GKAP1: variants seen among roughly 807,000 people sequenced by gnomAD.
GKAP1 encodes G kinase anchoring protein 1.
In GKAP1, 31 loss-of-function variants were observed where a neutral mutation model predicts 56.7. The ratio of observed to expected loss-of-function variants is 0.55; its 90% CI spans 0.41 to 0.74. GKAP1 has a LOEUF of 0.74. Among genes scored for constraint, GKAP1 ranks in the 30% least tolerant of loss-of-function variants. The pLI is 0.00. For missense variants in GKAP1, 364 were observed against 402.3 expected, an observed-to-expected ratio of 0.90 and a Z score of 0.82; for synonymous variants, 151 against 138.6, an observed-to-expected ratio of 1.09 and a Z score of -0.63.
At chr9:83,811,368 G>A (rs111512971) in intron 2 of GKAP1, among the ~76,000 whole-genome samples, 3 of 152,056 alleles carry the variant, frequency 2.0e-5, no homozygotes, top group South Asian at 2.1e-4. Flanking sequence ...AACATACTAC[G>A]GAAGGAAAAT....
In GKAP1 at chr9:83,788,590, T is replaced by C; in HGVS notation, c.438+11A>G. ...CTTCTAAAATATCTAAATCAGTAAG[T>C]ATGTAAATACCTTTTTGTGCTCTTC... On this transcript the variant is annotated intron_variant, in intron 5 of 12. Transcript: ENST00000376371. 1 of 1,430,594 alleles carries C rather than the reference T, an allele frequency of 7.0e-7. No individual in the cohort carries two copies. Among genetic ancestry groups the C allele is most frequent in the Non-Finnish European group, 9.7e-7 (1 of 1,028,056 alleles). The allele number at this position is 1,430,594 out of a possible 1,614,324, so 88.6% of individuals were successfully genotyped here.
At chr9:83,742,791 T>TG (rs1943230567) in intron 10 of GKAP1, among the ~76,000 whole-genome samples, 191 bp from the exon 11 acceptor site, 1 of 152,244 alleles carries the variant, frequency 6.6e-6, no homozygotes. Flanking sequence ...TTGTTTTACA[T>TG]TTTCACCAGT....
At chr9:83,758,744 C>T (rs1178992142) in intron 8 of GKAP1, among the ~76,000 whole-genome samples, 1 of 121,346 alleles carries the variant, frequency 8.2e-6, no homozygotes. Flanking sequence ...ACTCCATCTC[C>T]AAAAAAAAAA....
At chr9:83,766,002 T>C (rs1418578419) in intron 8 of GKAP1, among the ~76,000 whole-genome samples, 1 of 152,154 alleles carries the variant, frequency 6.6e-6, no homozygotes, top group Non-Finnish European at 1.5e-5. Context: ...CGGGGCAGAA[T>C]GATATAGTTG....
intron 2 of GKAP1, among the ~76,000 whole-genome samples, chr9:83,812,495 G>A (rs959772716): frequency 4.0e-5 from 6 of 150,838 alleles, no homozygotes; most frequent in South Asian, 2.1e-4. Flanking sequence ...CTACAGGCAC[G>A]TGACACCATG....
intron 2 of GKAP1, among the ~76,000 whole-genome samples, chr9:83,810,768 G>C (rs1465457931): frequency 6.6e-6 from 1 of 152,232 alleles, no homozygotes; most frequent in Non-Finnish European, 1.5e-5. Flanking sequence ...TAGAACAGTA[G>C]CCAGAAGCAT....
chr9:83,809,552 T>G (rs181993394), intron 2 of GKAP1, among the ~76,000 whole-genome samples: 3 of 152,342 alleles, frequency 2.0e-5, no homozygotes, highest in East Asian at 1.9e-4. Context: ...AGGCACACAG[T>G]AGAATAAGCA....
intron 4 of GKAP1, among the ~76,000 whole-genome samples, chr9:83,793,720 T>C (rs1030733328): frequency 3.3e-5 from 5 of 152,146 alleles, no homozygotes; most frequent in Admixed American, 6.6e-5. Flanking sequence ...TCCAATACAG[T>C]GAATATAGAA....
intron 7 of GKAP1, among the ~76,000 whole-genome samples, chr9:83,778,827 T>G (rs1384957628): frequency 6.6e-6 from 1 of 150,996 alleles, no homozygotes; most frequent in African/African-American, 2.5e-5. Context: ...ATCAGAAATC[T>G]TCAAAATGAA....
At chr9:83,804,143 G>A (rs1260197376) in intron 3 of GKAP1, among the ~76,000 whole-genome samples, 7 of 140,190 alleles carry the variant, frequency 5.0e-5, no homozygotes, top group East Asian at 2.3e-4. Flanking sequence ...CCCCCCGCAC[G>A]GCCAGCCGCC....
intron 3 of GKAP1, among the ~76,000 whole-genome samples, chr9:83,801,889 A>G (rs1280540835): frequency 6.6e-6 from 1 of 152,252 alleles, no homozygotes; most frequent in Non-Finnish European, 1.5e-5. Context: ...CTGTGTGGAT[A>G]GCATTTTAAA....
intron 2 of GKAP1, among the ~76,000 whole-genome samples, chr9:83,815,513 G>A (rs954714814): frequency 1.3e-5 from 2 of 151,668 alleles, no homozygotes; most frequent in Non-Finnish European, 2.9e-5. Context: ...GACCTCACTA[G>A]AATCAAGACA....
At chr9:83,794,885 C>T (rs1267097112) in intron 4 of GKAP1, among the ~76,000 whole-genome samples, 1 of 152,030 alleles carries the variant, frequency 6.6e-6, no homozygotes, top group Non-Finnish European at 1.5e-5. Flanking sequence ...TGTGGTGGCT[C>T]GCGCCTGTAA....
intron 8 of GKAP1, among the ~76,000 whole-genome samples, chr9:83,763,504 G>C (rs1008058018): frequency 3.3e-5 from 5 of 152,148 alleles, no homozygotes; most frequent in African/African-American, 4.8e-5. Context: ...TTGCATGCCT[G>C]TATCAAAACA....
chr9:83,749,519 C>A (rs1014101299), intron 9 of GKAP1, among the ~76,000 whole-genome samples: 1 of 152,016 alleles, frequency 6.6e-6, no homozygotes, highest in African/African-American at 2.4e-5. Context: ...TGAGCCACTG[C>A]GCCCAAGCCT....
chr9:83,747,565 T>C (rs942011983), intron 10 of GKAP1, among the ~76,000 whole-genome samples: 1 of 152,164 alleles, frequency 6.6e-6, no homozygotes, highest in Non-Finnish European at 1.5e-5. Context: ...TTTACCTGAA[T>C]AGTTATAAAC....
chr9:83,770,016 T>A (rs1296913303), intron 7 of GKAP1, among the ~76,000 whole-genome samples: 2 of 152,224 alleles, frequency 1.3e-5, no homozygotes, highest in Non-Finnish European at 2.9e-5. Context: ...TTTGGAGAAA[T>A]GTCTTCTCAG....
chr9:83,815,003 C>T (rs542102831), intron 2 of GKAP1, among the ~76,000 whole-genome samples: 10 of 152,098 alleles, frequency 6.6e-5, no homozygotes, highest in African/African-American at 2.4e-4. Context: ...GAAACCCCAT[C>T]TCTACTAAAA....
chr9:83,804,359 C>T (rs1457174550), intron 3 of GKAP1, among the ~76,000 whole-genome samples: 2 of 118,856 alleles, frequency 1.7e-5, no homozygotes, highest in African/African-American at 7.1e-5. Context: ...GGGGGTCAGC[C>T]CCCCGCCCGG....
Sources: gnomAD v4.1 joint callset for allele counts (sites outside exome capture counted in the v4.1 genomes callset) on GRCh38, gnomAD v4.1.1 for gene constraint, MANE v1.5 for transcripts, NCBI Gene and HGNC (gene_info 2026-07-23, HGNC 2026-07-21) for gene names.